Variants in SPIDR observed in about 807,000 individuals in gnomAD.
The protein encoded by SPIDR is scaffold protein involved in DNA repair.
Under a neutral mutation model 104.6 loss-of-function variants are expected in SPIDR, and 93 were observed. The observed-to-expected ratio is 0.89, with a 90% confidence interval of 0.75 to 1.06. The LOEUF (loss-of-function observed/expected upper bound fraction) is 1.06. Ranked by LOEUF, SPIDR falls within the 50% of genes least tolerant of loss-of-function variation. SPIDR has a pLI of 0.00. For missense variants in SPIDR, 1,154 were observed against 1,111.2 expected (o/e 1.04, Z -0.55); for synonymous variants, 431 against 416.9 (o/e 1.03, Z -0.41).
intron 14 of SPIDR, among the ~76,000 whole-genome samples, chr8:47,706,946 C>T (rs1174520384): frequency 6.6e-6 from 1 of 151,792 alleles, no homozygotes; most frequent in East Asian, 1.9e-4. Context: ...AGTGAGACTC[C>T]GTCTCTATTT....
At chr8:47,577,483 G>A (rs1464181530) in intron 8 of SPIDR, among the ~76,000 whole-genome samples, 7 of 152,184 alleles carry the variant, frequency 4.6e-5, no homozygotes, top group Non-Finnish European at 1.0e-4. Flanking sequence ...AACTGTGTGG[G>A]TCCACTTGTA....
chr8:47,488,985 T>C (rs1199819740), intron 8 of SPIDR, among the ~76,000 whole-genome samples: 4 of 152,118 alleles, frequency 2.6e-5, no homozygotes, highest in Non-Finnish European at 5.9e-5. Context: ...CAACATAGTG[T>C]TGGAAGTTCT....
chr8:47,414,494 A>G (rs2063955406), intron 7 of SPIDR, among the ~76,000 whole-genome samples: 1 of 152,214 alleles, frequency 6.6e-6, no homozygotes, highest in African/African-American at 2.4e-5. Flanking sequence ...TGCTTCAGAG[A>G]TGAGAAATTA....
chr8:47,538,270 C>T (rs866654823), intron 8 of SPIDR, among the ~76,000 whole-genome samples: 1 of 152,024 alleles, frequency 6.6e-6, no homozygotes, highest in South Asian at 2.1e-4. Context: ...TAAGGCTGGG[C>T]GTGGTGGTTC....
chr8:47,500,804 T>G (rs1321295271), intron 8 of SPIDR, among the ~76,000 whole-genome samples: 2 of 152,238 alleles, frequency 1.3e-5, no homozygotes, highest in African/African-American at 4.8e-5. Context: ...TAATCCATCT[T>G]GAATTAATTT....
At chr8:47,603,190 C>G (rs1047865796) in intron 10 of SPIDR, among the ~76,000 whole-genome samples, 1 of 149,990 alleles carries the variant, frequency 6.7e-6, no homozygotes, top group African/African-American at 2.5e-5. Context: ...CACTGGCCTT[C>G]GAGGTAACTT....
intron 5 of SPIDR, among the ~76,000 whole-genome samples, chr8:47,327,900 G>T (rs2047958170): frequency 6.6e-6 from 1 of 151,616 alleles, no homozygotes; most frequent in South Asian, 2.1e-4. Flanking sequence ...GTTTCGCCAT[G>T]TTGCTCAGGC....
In SPIDR at chr8:47,735,726, AT is replaced by A; in HGVS notation, c.*279del. 2 of 733,098 alleles carry A rather than the reference AT, an allele frequency of 2.7e-6. No individual in the cohort carries two copies. Among genetic ancestry groups the A allele is most frequent in the Non-Finnish European group, 4.2e-6 (2 of 473,882 alleles). 45.4% of individuals were successfully genotyped at this position (733,098 alleles called of 1,614,324 possible). ...CTTAAGTTTAAGCTCTTCATTTGGTATTTAGGCAATATATGAGAAAAAAATT... is the reference window on the plus strand; with the variant it reads ...CTTAAGTTTAAGCTCTTCATTTGGTATTAGGCAATATATGAGAAAAAAATT... On this transcript the variant is annotated 3_prime_UTR_variant, in exon 20 of 20. Coordinates refer to ENST00000297423, the MANE Select transcript of SPIDR (RefSeq NM_001080394.4).
chr8:47,481,672 A>G (rs1386528561), intron 8 of SPIDR, among the ~76,000 whole-genome samples: 1 of 152,210 alleles, frequency 6.6e-6, no homozygotes, highest in Non-Finnish European at 1.5e-5. Context: ...AATGAATACA[A>G]AGGAAAAAAA....
intron 10 of SPIDR, among the ~76,000 whole-genome samples, chr8:47,661,358 A>G (rs2074074152): frequency 6.6e-6 from 1 of 152,234 alleles, no homozygotes; most frequent in Non-Finnish European, 1.5e-5. Context: ...AACCATGCTC[A>G]GTGCTGCATA....
chr8:47,326,857 G>A (rs2047740773), intron 5 of SPIDR, among the ~76,000 whole-genome samples: 1 of 152,170 alleles, frequency 6.6e-6, no homozygotes, highest in Non-Finnish European at 1.5e-5. Context: ...TTCATCCACT[G>A]ATGTGTATTT....
chr8:47,368,580 C>T (rs782809961), intron 5 of SPIDR, among the ~76,000 whole-genome samples: 7 of 151,968 alleles, frequency 4.6e-5, no homozygotes, highest in Non-Finnish European at 8.8e-5. Flanking sequence ...GTTTTTCATG[C>T]TTGCCTTCAA....
chr8:47,501,993 C>A (rs1306957647), intron 8 of SPIDR, among the ~76,000 whole-genome samples: 1 of 152,154 alleles, frequency 6.6e-6, no homozygotes, highest in South Asian at 2.1e-4. Flanking sequence ...AGGGATGAAG[C>A]CCACTTGATC....
At chr8:47,293,637 A>G (rs2154240118) in intron 4 of SPIDR, among the ~76,000 whole-genome samples, 1 of 152,098 alleles carries the variant, frequency 6.6e-6, no homozygotes, top group East Asian at 1.9e-4. Flanking sequence ...TAATAGAGAC[A>G]GCATTTCATC....
intron 5 of SPIDR, among the ~76,000 whole-genome samples, chr8:47,333,271 G>GA (rs1554605898): frequency 6.6e-6 from 1 of 151,994 alleles, no homozygotes. Flanking sequence ...GTTAACTTAA[G>GA]AAAAATAAGT....
At chr8:47,322,329 T>G (rs574941090) in intron 5 of SPIDR, among the ~76,000 whole-genome samples, 1 of 152,088 alleles carries the variant, frequency 6.6e-6, no homozygotes, top group Non-Finnish European at 1.5e-5. Context: ...CAAAAGACAC[T>G]TGAAAAGATG....
chr8:47,689,118 C>T (rs904897121), intron 11 of SPIDR, among the ~76,000 whole-genome samples: 5 of 152,132 alleles, frequency 3.3e-5, no homozygotes, highest in East Asian at 1.9e-4. Context: ...GTCTTTTTAT[C>T]GGCAGAAGTA....
chr8:47,404,351 G>C (rs1380211812), intron 6 of SPIDR, among the ~76,000 whole-genome samples: 2 of 152,128 alleles, frequency 1.3e-5, no homozygotes, highest in East Asian at 3.8e-4. Flanking sequence ...TTGACAAGTG[G>C]GATCTAATTA....
Position 47,499,065 on chromosome 8 carries a change from A to G in SPIDR, c.1097+58523A>G, listed in dbSNP as rs140247616. On this transcript the variant is annotated intron_variant, in intron 8 of 19. Transcript: ENST00000297423. ...TATCAGAAATTCTAACTGTTTAGCAAAAGAAACCATAAAAACCATTTATGT... is the reference window on the plus strand; with the variant it reads ...TATCAGAAATTCTAACTGTTTAGCAGAAGAAACCATAAAAACCATTTATGT... Among the ~76,000 whole-genome samples, 532 of 152,268 alleles carry G rather than the reference A, an allele frequency of 3.5e-3. 7 individuals carry two copies. The highest frequency in any genetic ancestry group is 0.012 in the African/African-American group (504 of 41,558).
Sources: gnomAD v4.1 joint callset for allele counts (sites outside exome capture counted in the v4.1 genomes callset) on GRCh38, gnomAD v4.1.1 for gene constraint, MANE v1.5 for transcripts, NCBI Gene and HGNC (gene_info 2026-07-23, HGNC 2026-07-21) for gene names.